PDE3B: variants seen among roughly 807,000 people sequenced by gnomAD.
The protein encoded by PDE3B is phosphodiesterase 3B, also known as cGMP-inhibited 3',5'-cyclic phosphodiesterase 3B.
PDE3B carries 66 observed loss-of-function variants against 116.8 expected under a neutral mutation model. The observed-to-expected ratio is 0.56, with a 90% CI of 0.46 to 0.69. The LOEUF (loss-of-function observed/expected upper bound fraction) is 0.69. PDE3B is among the 30% of genes least tolerant of loss of function. The probability of loss-of-function intolerance (pLI) is 0.00; values close to 1 mark genes in which losing one functional copy is unlikely to be tolerated. For missense variants in PDE3B, 1,384 were observed against 1,368.1 expected, an observed-to-expected ratio of 1.01 and a Z score of -0.18; for synonymous variants, 595 against 533.6, an observed-to-expected ratio of 1.12 and a Z score of -1.59.
intron 12 of PDE3B, among the ~76,000 whole-genome samples, chr11:14,851,308 C>G (rs932275427): frequency 9.9e-5 from 15 of 152,068 alleles, no homozygotes; most frequent in Admixed American, 8.5e-4. Flanking sequence ...CTTCTTTATT[C>G]TATGTTTAAA....
chr11:14,748,692 A>T (rs534797255), intron 1 of PDE3B, among the ~76,000 whole-genome samples: 5 of 152,218 alleles, frequency 3.3e-5, no homozygotes, highest in African/African-American at 9.6e-5. Flanking sequence ...TCACTTTCTA[A>T]CTTATTTAGT....
chr11:14,694,986 C>T (rs150002001), intron 1 of PDE3B, among the ~76,000 whole-genome samples: 1,528 of 152,112 alleles, frequency 0.01, 13 homozygotes, highest in Non-Finnish European at 0.012. Flanking sequence ...CCTATATAGT[C>T]GCCACACAGA....
chr11:14,862,587 T>G (rs1401531023), intron 14 of PDE3B, among the ~76,000 whole-genome samples: 1 of 152,120 alleles, frequency 6.6e-6, no homozygotes, highest in African/African-American at 2.4e-5. Context: ...CTTAAATCTT[T>G]TTTTGAGACA....
intron 1 of PDE3B, among the ~76,000 whole-genome samples, chr11:14,761,262 T>A (rs1299267559): frequency 6.6e-6 from 1 of 152,184 alleles, no homozygotes; most frequent in Non-Finnish European, 1.5e-5. Flanking sequence ...GAATTATAAA[T>A]GGTAATTTTT....
Position 14,819,176 on chromosome 11 carries a change from T to C in PDE3B, c.1774T>C (p.Ser592Pro), listed in dbSNP as rs775162787. The C allele has an allele frequency of 6.3e-7, 1 of 1,599,146 alleles. No homozygotes were observed. Among genetic ancestry groups the C allele is most frequent in the Admixed American group, 1.7e-5 (1 of 59,926 alleles). Residue 592 changes from serine to proline, a missense_variant, in exon 7 of 16, where the codon TCA (serine) becomes CCA (proline). Ser to Pro is a moderately conservative substitution (Grantham distance 74). Transcript: ENST00000282096. Reference protein sequence around the residue: ...QMLKYVSTSESDGTDCCSGKS... With the variant: ...QMLKYVSTSEPDGTDCCSGKS... ...GCTGAAATATGTTTCAACATCTGAA[T>C]CAGATGGTACAGATTGCTGCAGTGG... is the stretch of plus-strand genomic sequence containing the variant.
At chr11:14,723,593 A>T (rs2133845433) in intron 1 of PDE3B, among the ~76,000 whole-genome samples, 1 of 152,060 alleles carries the variant, frequency 6.6e-6, no homozygotes, top group African/African-American at 2.4e-5. Flanking sequence ...GCTGCTACAC[A>T]AATTTAAAAA....
chr11:14,715,388 A>G (rs1454622759), intron 1 of PDE3B, among the ~76,000 whole-genome samples: 2 of 152,154 alleles, frequency 1.3e-5, no homozygotes, highest in Non-Finnish European at 2.9e-5. Context: ...CTTCCTACCC[A>G]TGAGCATGGA....
chr11:14,778,390 A>C (rs1206486900), intron 2 of PDE3B, among the ~76,000 whole-genome samples: 2 of 152,238 alleles, frequency 1.3e-5, no homozygotes, highest in Non-Finnish European at 2.9e-5. Flanking sequence ...CTGACCCCCG[A>C]GTAGCCTAAC....
Position 14,652,253 on chromosome 11 carries a change from A to G in PDE3B, c.978+7200A>G, listed in dbSNP as rs1403156888. 3.3e-5 allele frequency among the ~76,000 whole-genome samples: 5 copies of G among 152,150 alleles called. 1 individual carries two copies. Among genetic ancestry groups the G allele is most frequent in the Middle Eastern group, 3.2e-3 (1 of 316 alleles). ...GAAAAAAACTGTTAATAACCTTTCA[A>G]CAAAGTGTTGGCTTCTTTGTTGAAA... On this transcript the variant is annotated intron_variant, in intron 1 of 15. Transcript: ENST00000282096.
intron 1 of PDE3B, among the ~76,000 whole-genome samples, chr11:14,771,708 G>A (rs1295020917): frequency 6.6e-6 from 1 of 151,318 alleles, no homozygotes. Flanking sequence ...AGGTTAATAT[G>A]GCTTGTTTTA....
intron 12 of PDE3B, among the ~76,000 whole-genome samples, chr11:14,844,665 C>T (rs180985123): frequency 4.6e-5 from 7 of 152,230 alleles, no homozygotes; most frequent in Non-Finnish European, 8.8e-5. Context: ...GCTTAAAAAA[C>T]GGCGCACCAG....
intron 11 of PDE3B, 130 bp from the exon 12 acceptor site, chr11:14,843,697 G>A (rs188662042): frequency 1.5e-6 from 1 of 688,454 alleles, no homozygotes; most frequent in East Asian, 2.6e-5. Flanking sequence ...TAAGTTCATA[G>A]ATTTTAGTTC....
Position 14,740,291 on chromosome 11 carries a change from T to C in PDE3B, c.979-31646T>C, listed in dbSNP as rs1336390089. Among the ~76,000 whole-genome samples, 7 of 152,202 alleles carry C rather than the reference T, an allele frequency of 4.6e-5. No homozygotes were observed. The South Asian group carries it at 1.4e-3, about 32-fold the overall frequency. ...CTTCAATTTCAGAACTTGTTATTGG[T>C]CTATTCAAGGATTTGACTTCTTCCT... On this transcript the variant is annotated intron_variant, in intron 1 of 15. Transcript: ENST00000282096.
At chr11:14,697,522 A>G (rs1454536993) in intron 1 of PDE3B, among the ~76,000 whole-genome samples, 1 of 152,096 alleles carries the variant, frequency 6.6e-6, no homozygotes, top group Non-Finnish European at 1.5e-5. Flanking sequence ...TGGTAGTGTC[A>G]GTTCTCAACT....
intron 1 of PDE3B, among the ~76,000 whole-genome samples, chr11:14,749,821 T>C (rs1438438621): frequency 2.8e-5 from 4 of 142,892 alleles, no homozygotes; most frequent in African/African-American, 7.7e-5. Context: ...CACATCCTCC[T>C]ATATCCCATA....
intron 1 of PDE3B, among the ~76,000 whole-genome samples, chr11:14,757,148 C>G (rs1203438562): frequency 6.6e-6 from 1 of 152,008 alleles, no homozygotes; most frequent in African/African-American, 2.4e-5. Flanking sequence ...TTTTTTATGG[C>G]TGCATAGTAC....
chr11:14,862,214 C>T (rs376862370), intron 14 of PDE3B, among the ~76,000 whole-genome samples: 2 of 152,166 alleles, frequency 1.3e-5, no homozygotes, highest in South Asian at 4.1e-4. Context: ...TAACCTATCA[C>T]CTGATGGTCA....
chr11:14,673,612 G>A (rs1329479830), intron 1 of PDE3B: 2 of 635,432 alleles, frequency 3.1e-6, no homozygotes, highest in Non-Finnish European at 6.1e-6. Flanking sequence ...TTCTCAGGAG[G>A]AGCCACTTCA....
intron 5 of PDE3B, among the ~76,000 whole-genome samples, chr11:14,816,156 T>A (rs74573744): frequency 5.3e-5 from 8 of 152,206 alleles, no homozygotes; most frequent in African/African-American, 1.2e-4. Context: ...TCTTTTCTCA[T>A]AAGGCCCTAA....
Sources: allele counts gnomAD v4.1 joint callset (sites outside exome capture counted in the v4.1 genomes callset), GRCh38; gene constraint gnomAD v4.1.1; transcripts MANE v1.5; gene names NCBI Gene and HGNC (gene_info 2026-07-23, HGNC 2026-07-21).